The following EP400 variants were observed in gnomAD, a reference collection of about 807,000 sequenced individuals.
EP400 encodes E1A binding protein p400.
EP400 carries 105 observed loss-of-function variants against 354.1 expected under a neutral mutation model. That is an observed-to-expected ratio of 0.30 (90% CI 0.25 to 0.35). The LOEUF (loss-of-function observed/expected upper bound fraction) is 0.35. Ranked by LOEUF, EP400 falls within the 10% of genes least tolerant of loss-of-function variation. The pLI, the probability that EP400 is intolerant of heterozygous loss-of-function variation, is 1.00. For missense variants in EP400, 3,280 were observed against 4,121.0 expected (o/e 0.80, Z 5.59); for synonymous variants, 1,646 against 1,716.9 (o/e 0.96, Z 1.02).
rs546391201 is a variant in EP400 at position 132,006,253 on chromosome 12, C to T, written c.3077C>T (p.Ala1026Val). Reference protein sequence around the residue: ...PNAKDIADVTAVAEAILPKGS... With the variant: ...PNAKDIADVTVVAEAILPKGS... ...GCCAAGGACATTGCGGACGTCACTG[C>T]GGTGGCTGAAGCCATCCTGCCGAAG... The change falls in exon 14 of 53, where the codon GCG becomes GTG. Residue 1026 changes from alanine to valine, a missense_variant. By Grantham distance (64) the Ala-to-Val change is moderately conservative. Around this residue, in one of 20 missense-constraint regions of EP400, gnomAD observed 800 missense variants for 840.0 expected, o/e 0.95. Coordinates refer to ENST00000389561, the MANE Select transcript of EP400 (RefSeq NM_015409.5). The T allele has an allele frequency of 8.1e-6, 13 of 1,614,208 alleles. No individual in the cohort carries two copies. The highest frequency in any genetic ancestry group is 7.7e-5 in the South Asian group (7 of 91,080).
Position 132,038,298 on chromosome 12 carries a change from G to A in EP400, c.6207+202G>A, listed in dbSNP as rs901032335. Among the ~76,000 whole-genome samples the A allele has an allele frequency of 2.0e-5, 3 of 152,198 alleles. No individual in the cohort carries two copies. The highest frequency in any genetic ancestry group is 7.2e-5 in the African/African-American group (3 of 41,434). ...TGTAAATACAAGTGAGGGGAATGGT[G>A]GCGAAGGTCGCGGACCACAGGCCTG... is the stretch of plus-strand genomic sequence containing the variant. On this transcript the variant is annotated intron_variant, in intron 32 of 52. Coordinates refer to ENST00000389561, the MANE Select transcript of EP400 (RefSeq NM_015409.5). This position sits in a 1 kb window ranked among gnomAD's most constrained non-coding sequence, Gnocchi z 4.2.
chr12:132,015,639 T>G (rs1214755353), intron 19 of EP400, among the ~76,000 whole-genome samples: 1 of 152,112 alleles, frequency 6.6e-6, no homozygotes, highest in East Asian at 1.9e-4. Flanking sequence ...GGAAAGCACG[T>G]CTTATTCTGC....
Position 132,021,149 on chromosome 12 carries a change from C to T in EP400, c.4518C>T (p.Ser1506=). The T allele has an allele frequency of 1.2e-6, 2 of 1,600,596 alleles. No homozygotes were observed. Among genetic ancestry groups the T allele is most frequent in the Non-Finnish European group, 8.5e-7 (1 of 1,179,778 alleles). Residue 1506 remains serine (S), a synonymous_variant, in exon 23 of 53, where the codon TCC becomes TCT. Transcript: ENST00000389561. ...SAPRHQPASA[S]STAASPAHPA... ...CACGACACCAGCCCGCCTCGGCCTC[C>T]AGCACAGCCGCTAGCCCGGCCCATC...
Position 131,991,219 on chromosome 12 carries a change from C to T in EP400, c.2630-188C>T, listed in dbSNP as rs140868492. 1.4e-3 allele frequency among the ~76,000 whole-genome samples: 209 copies of T among 152,296 alleles called. 1 individual carries two copies. The highest frequency in any genetic ancestry group is 3.3e-3 in the Admixed American group (51 of 15,298). Reference sequence around the variant, plus strand: ...ACCCGAGGCTGAGAGGTGGCTGCTGCTGAAAGTCATAGAGCCACAAGTTAG... The same window carrying T: ...ACCCGAGGCTGAGAGGTGGCTGCTGTTGAAAGTCATAGAGCCACAAGTTAG... On this transcript the variant is annotated intron_variant, in intron 9 of 52. Coordinates refer to ENST00000389561, the MANE Select transcript of EP400 (RefSeq NM_015409.5).
chr12:132,037,135 C>G (rs936865221), intron 30 of EP400, among the ~76,000 whole-genome samples: 1 of 152,156 alleles, frequency 6.6e-6, no homozygotes, highest in Non-Finnish European at 1.5e-5. Context: ...CTTGAGGAAG[C>G]CTTGTGTCCC....
chr12:132,047,117 C>A (rs1263968121), intron 39 of EP400, among the ~76,000 whole-genome samples: 1 of 152,218 alleles, frequency 6.6e-6, no homozygotes, highest in African/African-American at 2.4e-5. Flanking sequence ...TATTTCTGTA[C>A]CCACTCTTTC....
rs1895347552 is a variant in EP400, at chr12:132,052,843, G to GGGAAATTTTCCCAAGTA, written c.7395-303_7395-302insGGAAATTTTCCCAAGTA. Among the ~76,000 whole-genome samples, 1 of 152,186 alleles carries GGGAAATTTTCCCAAGTA rather than the reference G, an allele frequency of 6.6e-6. No homozygotes were observed. Among genetic ancestry groups the GGGAAATTTTCCCAAGTA allele is most frequent in the Non-Finnish European group, 1.5e-5 (1 of 68,038 alleles). On this transcript the variant is annotated intron_variant, in intron 41 of 52. Coordinates refer to ENST00000389561, the MANE Select transcript of EP400 (RefSeq NM_015409.5). The surrounding 1 kb of genome is among the most constrained non-coding windows in gnomAD (Gnocchi z 4.4). ...AGACAGAGATTTTCCCAAGTACAGT[G>GGGAAATTTTCCCAAGTA]CAGACACATGAGGTGGGCTGTGCGT...
At chr12:132,053,759 C>T (rs1322230268) in intron 43 of EP400, among the ~76,000 whole-genome samples, 162 bp downstream of exon 43, 2 of 152,230 alleles carry the variant, frequency 1.3e-5, no homozygotes, top group Non-Finnish European at 2.9e-5. Flanking sequence ...TTAGTCTCAT[C>T]CCAGAGGAAT....
At chr12:132,061,057 C>T (rs139793969) in intron 45 of EP400, among the ~76,000 whole-genome samples, 5 of 152,164 alleles carry the variant, frequency 3.3e-5, no homozygotes, top group Non-Finnish European at 5.9e-5. Context: ...ACAAGGTAGA[C>T]TCATGGATGA....
At chr12:132,069,767 G>C (rs2136618184) in intron 51 of EP400, 126 bp downstream of exon 51, 2 of 1,397,844 alleles carry the variant, frequency 1.4e-6, no homozygotes, top group Non-Finnish European at 1.9e-6. Context: ...CTGGAGGGAA[G>C]TGTTGTCTCC....
intron 39 of EP400, among the ~76,000 whole-genome samples, chr12:132,047,458 A>T (rs765037793): frequency 2.0e-5 from 3 of 152,194 alleles, no homozygotes; most frequent in Non-Finnish European, 4.4e-5. Flanking sequence ...GAGAAATTTT[A>T]AAGCTGGGTG....
rs1395037951 is a variant in EP400 at position 131,990,617 on chromosome 12, T to C, written c.2551-19T>C. ...CCATCCTTAGTAATGTGCTTATTCA[T>C]TTAATCCTTTGCATTTAGGTTGTGG... On this transcript the variant is annotated intron_variant, in intron 8 of 52. Coordinates refer to ENST00000389561, the MANE Select transcript of EP400 (RefSeq NM_015409.5). The surrounding 1 kb of genome is among the most constrained non-coding windows in gnomAD (Gnocchi z 4.2). 7 of 1,571,376 alleles carry C rather than the reference T, an allele frequency of 4.5e-6. No individual in the cohort carries two copies. In the East Asian group the frequency reaches 1.3e-4, roughly 30 times the overall value.
chr12:131,950,759 G>A (rs1891446252), intron 1 of EP400, among the ~76,000 whole-genome samples: 1 of 152,232 alleles, frequency 6.6e-6, no homozygotes, highest in African/African-American at 2.4e-5. Context: ...TGCTTTATTA[G>A]TAATTACTTT....
intron 25 of EP400, among the ~76,000 whole-genome samples, chr12:132,026,446 T>C (rs552968497): frequency 6.6e-6 from 1 of 152,268 alleles, no homozygotes; most frequent in East Asian, 1.9e-4. Flanking sequence ...ACTGCCAACC[T>C]GTTAGGCTCT....
Position 132,013,136 on chromosome 12 carries a change from G to C in EP400, c.3569G>C (p.Gly1190Ala). 1 of 1,614,098 alleles carries C rather than the reference G, an allele frequency of 6.2e-7. No individual in the cohort carries two copies. The highest frequency in any genetic ancestry group is 8.5e-7 in the Non-Finnish European group (1 of 1,179,994). Residue 1190 changes from glycine to alanine, a missense_variant, in exon 17 of 53, where the codon GGC becomes GCC. Gly to Ala is a moderately conservative substitution (Grantham distance 60, BLOSUM62 0). This residue lies in a region of EP400 where 242 missense variants were observed against 357.9 expected (regional missense o/e 0.68). Coordinates refer to ENST00000389561, the MANE Select transcript of EP400 (RefSeq NM_015409.5). This position sits in a 1 kb window ranked among gnomAD's most constrained non-coding sequence, Gnocchi z 4.5. ...ATTGATGAGATGCAGCGCGTGAAGG[G>C]CATGACCGAGAGGCACTGGGAAGCG... ...LVIDEMQRVKGMTERHWEAVF... is the reference protein window; with the variant it reads ...LVIDEMQRVKAMTERHWEAVF...
intron 12 of EP400, among the ~76,000 whole-genome samples, chr12:132,004,860 A>G (rs1893528814): frequency 6.6e-6 from 1 of 152,198 alleles, no homozygotes. Flanking sequence ...ACCTTTTATC[A>G]GTAATGGGCA....
Position 132,018,299 on chromosome 12 carries a change from G to A in EP400, c.4200G>A (p.Pro1400=), listed in dbSNP as rs749203971. Residue 1400 remains proline, a synonymous_variant, in exon 21 of 53, where the codon CCG becomes CCA. Transcript: ENST00000389561. The surrounding 1 kb of genome is among the most constrained non-coding windows in gnomAD (Gnocchi z 4.0). The part of the protein sequence containing the change: ...EAELLSKKKI[P]RKLMEEISTS... ...AGTTGCTGTCTAAGAAAAAGATACC[G>A]CGGAAACTCATGGAGGAAATCTCCA... 187 of 1,613,434 alleles carry A rather than the reference G, an allele frequency of 1.2e-4. No individual in the cohort carries two copies. Among genetic ancestry groups the A allele is most frequent in the Non-Finnish European group, 6.4e-5 (75 of 1,179,924 alleles).
At chr12:132,057,684 A>G (rs989963668) in intron 45 of EP400, among the ~76,000 whole-genome samples, 1 of 152,274 alleles carries the variant, frequency 6.6e-6, no homozygotes, top group East Asian at 1.9e-4. Flanking sequence ...AGATTATTTC[A>G]CTTTTCTTTC....
In EP400 at chr12:132,029,824, G is replaced by A. The variant is rs1360115718; in HGVS notation, c.5505G>A (p.Pro1835=). The A allele has an allele frequency of 1.2e-6, 2 of 1,613,272 alleles. No individual in the cohort carries two copies. Among genetic ancestry groups the A allele is most frequent in the South Asian group, 1.1e-5 (1 of 91,092 alleles). The change falls in exon 28 of 53, where the codon CCG becomes CCA. Residue 1835 remains proline, a synonymous_variant. Coordinates refer to ENST00000389561, the MANE Select transcript of EP400 (RefSeq NM_015409.5). The surrounding 1 kb of genome is among the most constrained non-coding windows in gnomAD (Gnocchi z 4.7). ...AGGGCCTGAGAGAGCACGCTGCGCC[G>A]TACTTCCAGCAGCTGCGGCAGACCA... ...LRQGLREHAA[P]YFQQLRQTTA...
Sources: gnomAD v4.1 joint callset for allele counts (sites outside exome capture counted in the v4.1 genomes callset) on GRCh38, gnomAD v4.1.1 for gene constraint, gnomAD v4.1.1 regional missense constraint, Gnocchi (gnomAD v3.1) non-coding constraint, MANE v1.5 for transcripts, NCBI Gene and HGNC (gene_info 2026-07-23, HGNC 2026-07-21) for gene names.